TTC21A: variants seen among roughly 807,000 people sequenced by gnomAD.
TTC21A encodes tetratricopeptide repeat protein 21A.
Under a neutral mutation model 156.4 loss-of-function variants are expected in TTC21A, and 128 were observed. The ratio of observed to expected loss-of-function variants is 0.82; its 90% CI spans 0.71 to 0.95. The LOEUF is 0.95. Ranked by LOEUF, TTC21A falls within the 40% of genes least tolerant of loss-of-function variation. TTC21A has a pLI of 0.00. For synonymous variants in TTC21A, 587 were observed against 617.1 expected (o/e 0.95, Z 0.72); for missense variants, 1,435 against 1,602.3 (o/e 0.90, Z 1.78).
At position 39,136,418 on chromosome 3, in the gene TTC21A, C is replaced by T. The variant is rs748267982; in HGVS notation, c.3006C>T (p.Asp1002=). Residue 1002 remains aspartate (D), a synonymous_variant, in exon 23 of 29, where the codon GAC becomes GAT. Transcript: ENST00000683103. ...DLLRRSGKLE[D]IPAFFELAKK... The stretch of plus-strand genomic sequence containing the variant: ...TAAGAAGAAGTGGAAAACTTGAAGA[C>T]ATTCCTGCCTTCTTTGAATTGGCCA... The T allele has an allele frequency of 1.4e-5, 23 of 1,614,222 alleles. No individual in the cohort carries two copies. The highest frequency in any genetic ancestry group is 1.9e-5 in the Non-Finnish European group (23 of 1,180,028).
In TTC21A at chr3:39,134,757, A is replaced by C; in HGVS notation, c.2863-336A>C. 2.1e-6 allele frequency: 1 copy of C among 487,138 alleles called. No individual in the cohort carries two copies. The highest frequency in any genetic ancestry group is 3.8e-6 in the Non-Finnish European group (1 of 266,572). The allele number at this position is 487,138 out of a possible 1,614,324, so 30.2% of individuals were successfully genotyped here. A position where few individuals can be genotyped will look rare whatever the true frequency, so the allele number is the denominator to read the frequency against. The stretch of plus-strand genomic sequence containing the variant: ...AGGAGGGGTCCTCATCCCTACCTCT[A>C]TTGCCTGGCAGTTCTCAGAATGGGT... On this transcript the variant is annotated intron_variant, in intron 21 of 28. Transcript: ENST00000683103. This position sits in a 1 kb window ranked among gnomAD's most constrained non-coding sequence, Gnocchi z 4.6.
At position 39,126,515 on chromosome 3, in the gene TTC21A, C is replaced by CACACACACAT. The variant is rs1553683199; in HGVS notation, c.1522+131_1522+132insACATACACAC. ...ACACACACACACACACACACACACACACACACTCTCCTTGCCTGGGGTACT... is the reference window on the plus strand; with the variant it reads ...ACACACACACACACACACACACACACACACACACATACACACTCTCCTTGCCTGGGGTACT... On this transcript the variant is annotated intron_variant, in intron 12 of 28. Transcript: ENST00000683103. The CACACACACAT allele has an allele frequency of 1.6e-4, 162 of 1,028,828 alleles. No homozygotes were observed. In the African/African-American group the frequency reaches 2.4e-3, roughly 15 times the overall value. The allele number at this position is 1,028,828 out of a possible 1,614,324, so 63.7% of individuals were successfully genotyped here. A position where few individuals can be genotyped will look rare whatever the true frequency, so the allele number is the denominator to read the frequency against.
chr3:39,131,514 T>A (rs1243943210), intron 19 of TTC21A: 1 of 158,540 alleles, frequency 6.3e-6, no homozygotes, highest in African/African-American at 2.4e-5. Flanking sequence ...GGTTGAGAAA[T>A]GTGCCCAAAG....
At chr3:39,109,017 TC>T (rs2036544216) in intron 1 of TTC21A, 67 bp from the exon 2 acceptor site, 1 of 1,561,998 alleles carries the variant, frequency 6.4e-7, no homozygotes, top group Non-Finnish European at 8.8e-7. Context: ...GCAGGTCTCA[TC>T]CCATCTGGGA....
chr3:39,117,692 T>C (rs770697388), intron 6 of TTC21A, among the ~76,000 whole-genome samples: 1 of 152,200 alleles, frequency 6.6e-6, no homozygotes, highest in African/African-American at 2.4e-5. Context: ...AGCTTAACTC[T>C]GGGGAGTCCC....
In TTC21A at chr3:39,110,980, T is replaced by A; in HGVS notation, c.398T>A (p.Ile133Asn). ...CGCCATGACAAGGCCAAAGAGTACATTGACCGCATGCTGAAGATTTCTAGA... is the reference window on the plus strand; with the variant it reads ...CGCCATGACAAGGCCAAAGAGTACAATGACCGCATGCTGAAGATTTCTAGA... ...IGRHDKAKEY[I>N]DRMLKISRGF... is the part of the protein sequence containing the mutation. Residue 133 changes from isoleucine to asparagine, a missense_variant, in exon 4 of 29, where the codon ATT becomes AAT. By Grantham distance (149) the Ile-to-Asn change is moderately radical (BLOSUM62 -3). Transcript: ENST00000683103. 1 of 1,613,172 alleles carries A rather than the reference T, an allele frequency of 6.2e-7. No individual in the cohort carries two copies. The highest frequency in any genetic ancestry group is 8.5e-7 in the Non-Finnish European group (1 of 1,179,398).
rs752114591 is a variant in TTC21A, at chr3:39,137,687, C to T, written c.3652C>T (p.Arg1218Trp). 80 of 1,612,892 alleles carry T rather than the reference C, an allele frequency of 5.0e-5. No homozygotes were observed. Among genetic ancestry groups the T allele is most frequent in the Admixed American group, 3.2e-4 (19 of 59,870 alleles). The stretch of plus-strand genomic sequence containing the variant: ...GTTCGACCTCGCCTTAGAACTGCTG[C>T]GGCGCTGTGTGCAATACAACAAGGC... The part of the protein sequence containing the change: ...SKFDLALELL[R>W]RCVQYNKSCY... Residue 1218 changes from arginine (R) to tryptophan (W), a missense_variant, in exon 26 of 29, where the codon CGG (arginine) becomes TGG (tryptophan). By Grantham distance (101) the Arg-to-Trp change is moderately radical (BLOSUM62 -3). Transcript: ENST00000683103.
chr3:39,135,572 C>T (rs1003212834), intron 22 of TTC21A, among the ~76,000 whole-genome samples: 1 of 152,338 alleles, frequency 6.6e-6, no homozygotes, highest in Non-Finnish European at 1.5e-5. Context: ...ACCTGAGGCT[C>T]AGGTTGGAGC....
chr3:39,128,904 T>C lies in TTC21A; in HGVS notation c.1868T>C (p.Val623Ala). The C allele has an allele frequency of 6.2e-7, 1 of 1,614,218 alleles. No individual in the cohort carries two copies. The highest frequency in any genetic ancestry group is 8.5e-7 in the Non-Finnish European group (1 of 1,180,042). The change falls in exon 14 of 29, where the codon GTG becomes GCG. Residue 623 changes from valine to alanine, a missense_variant. Transcript: ENST00000683103. ...SQRASILLEL[V>A]EALRLNGELH... Reference sequence around the variant, plus strand: ...CGGGCATCCATCTTATTGGAACTGGTGGAGGCCCTCCGGCTGAATGGGGAG... The same window carrying C: ...CGGGCATCCATCTTATTGGAACTGGCGGAGGCCCTCCGGCTGAATGGGGAG...
In TTC21A at chr3:39,138,358, A is replaced by G. The variant is rs776305783; in HGVS notation, c.3767A>G (p.Lys1256Arg). The G allele has an allele frequency of 6.2e-7, 1 of 1,614,134 alleles. No individual in the cohort carries two copies. The highest frequency in any genetic ancestry group is 2.2e-5 in the East Asian group (1 of 44,878). The change falls in exon 27 of 29, where the codon AAG (lysine) becomes AGG (arginine). Residue 1256 changes from lysine (K) to arginine (R), a missense_variant. Transcript: ENST00000683103. ...GTCACCAACTACAAACTGGCCTGGA[A>G]GTACAGTCATCACGCCAACCCTGCC... ...DAVTNYKLAW[K>R]YSHHANPAIG... is the part of the protein sequence containing the mutation.
chr3:39,110,993 G>A lies in TTC21A; in HGVS notation c.411G>A (p.Leu137=), dbSNP rs2036777642. 1.2e-6 allele frequency: 2 copies of A among 1,612,128 alleles called. No homozygotes were observed. The highest frequency in any genetic ancestry group is 1.7e-5 in the Admixed American group (1 of 59,678). ...DKAKEYIDRM[L]KISRGFREAY... ...CCAAAGAGTACATTGACCGCATGCT[G>A]AAGATTTCTAGAGGCTTCAGAGAGG... The change falls in exon 4 of 29, where the codon CTG becomes CTA. Residue 137 remains leucine, a synonymous_variant. Transcript: ENST00000683103.
chr3:39,111,095 A>T (rs1185958845), intron 4 of TTC21A, 78 bp downstream of exon 4: 1 of 1,471,644 alleles, frequency 6.8e-7, no homozygotes, highest in Admixed American at 2.2e-5. Flanking sequence ...CCTCATTCCC[A>T]CAAAGGGCCC....
Position 39,138,612 on chromosome 3 carries a change from A to C in TTC21A, c.3853A>C (p.Ile1285Leu), listed in dbSNP as rs780525058. The change falls in exon 28 of 29, where the codon ATC (isoleucine) becomes CTC (leucine). Residue 1285 changes from isoleucine (I) to leucine (L), a missense_variant. Physicochemically the swap from Ile to Leu is conservative, Grantham distance 5. Transcript: ENST00000683103. ...CAAGAAATTTGTGGAGGCCATTGAA[A>C]TCTGCAACGATGTAAGCCAGCAGCC... ...KDKKFVEAIEICNDVLREHPD... is the reference protein window; with the variant it reads ...KDKKFVEAIELCNDVLREHPD... 8 of 1,614,214 alleles carry C rather than the reference A, an allele frequency of 5.0e-6. No individual in the cohort carries two copies. Among genetic ancestry groups the C allele is most frequent in the Non-Finnish European group, 6.8e-6 (8 of 1,180,042 alleles).
intron 6 of TTC21A, among the ~76,000 whole-genome samples, chr3:39,117,503 T>C (rs915517849): frequency 6.6e-6 from 1 of 152,224 alleles, no homozygotes; most frequent in Non-Finnish European, 1.5e-5. Flanking sequence ...CATCTTACAG[T>C]GACTGCCCCC....
chr3:39,110,823 C>T lies in TTC21A; in HGVS notation c.269-28C>T, dbSNP rs372781269. The T allele has an allele frequency of 4.0e-5, 64 of 1,612,758 alleles. No homozygotes were observed. In the African/African-American group the frequency reaches 8.4e-4, roughly 21 times the overall value. On this transcript the variant is annotated intron_variant, in intron 3 of 28. Coordinates refer to ENST00000683103, the MANE Select transcript of TTC21A (RefSeq NM_001366900.1). ...AGGCAGACTTCCACATCCTAACTCTCCCTCTTCCTTCGCTCTTGGATTTAC... is the reference window on the plus strand; with the variant it reads ...AGGCAGACTTCCACATCCTAACTCTTCCTCTTCCTTCGCTCTTGGATTTAC...
intron 12 of TTC21A, among the ~76,000 whole-genome samples, chr3:39,126,675 A>G (rs1282150627): frequency 6.6e-6 from 1 of 151,650 alleles, no homozygotes; most frequent in Non-Finnish European, 1.5e-5. Flanking sequence ...GCACACACAC[A>G]CAGGCACATG....
chr3:39,113,841 C>T (rs970419874), intron 5 of TTC21A, among the ~76,000 whole-genome samples: 4 of 152,242 alleles, frequency 2.6e-5, no homozygotes. Context: ...CAGTTATGCA[C>T]TTAAAGTGCT....
rs1359347580 is a variant in TTC21A, at chr3:39,134,146, G to T, written c.2752-72G>T. ...ATAGAAGTGGGGTGTGAGGGAAAGA[G>T]CTGTCAAGGATAACCCCAGGGGTTT... On this transcript the variant is annotated intron_variant, in intron 20 of 28. Transcript: ENST00000683103. This position sits in a 1 kb window ranked among gnomAD's most constrained non-coding sequence, Gnocchi z 4.6. 2.0e-5 allele frequency: 18 copies of T among 917,526 alleles called. No individual in the cohort carries two copies. The highest frequency in any genetic ancestry group is 2.9e-5 in the Non-Finnish European group (16 of 552,700). The allele number at this position is 917,526 out of a possible 1,614,324, so 56.8% of individuals were successfully genotyped here.
In TTC21A at chr3:39,125,380, G is replaced by A. The variant is rs754239250; in HGVS notation, c.1240G>A (p.Glu414Lys). The A allele has an allele frequency of 6.2e-7, 1 of 1,614,198 alleles. No homozygotes were observed. Among genetic ancestry groups the A allele is most frequent in the Non-Finnish European group, 8.5e-7 (1 of 1,180,034 alleles). Residue 414 changes from glutamate to lysine, a missense_variant, in exon 11 of 29, where the codon GAG becomes AAG. Physicochemically the swap from Glu to Lys is moderately conservative, Grantham distance 56. Coordinates refer to ENST00000683103, the MANE Select transcript of TTC21A (RefSeq NM_001366900.1). ...ALLMSRKHKG[E>K]EETTALLKEA... Reference sequence around the variant, plus strand: ...CCTGATGTCCAGGAAGCACAAGGGGGAGGAAGAGACCACAGCGCTCCTGAA... The same window carrying A: ...CCTGATGTCCAGGAAGCACAAGGGGAAGGAAGAGACCACAGCGCTCCTGAA...
Sources: gnomAD v4.1 joint callset for allele counts (sites outside exome capture counted in the v4.1 genomes callset) on GRCh38, gnomAD v4.1.1 for gene constraint, Gnocchi (gnomAD v3.1) non-coding constraint, MANE v1.5 for transcripts, NCBI Gene and HGNC (gene_info 2026-07-23, HGNC 2026-07-21) for gene names.